RBP2: variants seen among roughly 807,000 people sequenced by gnomAD.
The protein encoded by RBP2 is retinol-binding protein 2.
A neutral mutation model predicts 17.0 loss-of-function variants in RBP2; 17 were observed. That is an observed-to-expected ratio of 1.00 (90% CI 0.68 to 1.50). The LOEUF is 1.50. Ranked by LOEUF, RBP2 falls within the 40% of genes most tolerant of loss-of-function variation. The probability of loss-of-function intolerance (pLI) is 0.00; values close to 1 mark genes in which losing one functional copy is unlikely to be tolerated. For missense variants in RBP2, 158 were observed against 168.2 expected (o/e 0.94, Z 0.33); for synonymous variants, 48 against 57.1 (o/e 0.84, Z 0.72).
chr3:139,458,210 AAAC>A (rs1047981282), intron 2 of RBP2, among the ~76,000 whole-genome samples: 1 of 152,068 alleles, frequency 6.6e-6, no homozygotes, highest in Admixed American at 6.6e-5. Flanking sequence ...TTTTAAAGGA[AAAC>A]AACAGCTCTT....
chr3:139,471,821 T>A (rs947764175), intron 1 of RBP2, among the ~76,000 whole-genome samples: 1 of 152,204 alleles, frequency 6.6e-6, no homozygotes, highest in African/African-American at 2.4e-5. Context: ...CCAGGGTCAT[T>A]GTAACAACCT....
chr3:139,468,670 A>T (rs1933444922), intron 1 of RBP2, among the ~76,000 whole-genome samples: 1 of 150,660 alleles, frequency 6.6e-6, no homozygotes, highest in South Asian at 2.1e-4. Flanking sequence ...ACACACACAC[A>T]CATGCACACA....
intron 2 of RBP2, among the ~76,000 whole-genome samples, chr3:139,459,550 G>T (rs969912336): frequency 6.6e-6 from 1 of 151,066 alleles, no homozygotes; most frequent in Non-Finnish European, 1.5e-5. Flanking sequence ...TTGAACCTGG[G>T]AGGTGGAGGT....
chr3:139,472,702 A>G (rs1486618173), intron 1 of RBP2, among the ~76,000 whole-genome samples: 1 of 152,240 alleles, frequency 6.6e-6, no homozygotes, highest in Non-Finnish European at 1.5e-5. Context: ...TTGAGCAGGA[A>G]CCATTGGGGT....
chr3:139,457,131 A>G (rs1250674863), intron 2 of RBP2, among the ~76,000 whole-genome samples: 1 of 152,256 alleles, frequency 6.6e-6, no homozygotes, highest in Non-Finnish European at 1.5e-5. Flanking sequence ...TCCATGAAAG[A>G]AGATGCTGTA....
At chr3:139,462,387 G>A (rs1933219529) in intron 1 of RBP2, 97 bp from the exon 2 acceptor site, 3 of 1,249,688 alleles carry the variant, frequency 2.4e-6, no homozygotes, top group Non-Finnish European at 3.5e-6. Flanking sequence ...GACACAGATT[G>A]TGTGTAGGCC....
chr3:139,470,789 G>A (rs1933538607), intron 1 of RBP2, among the ~76,000 whole-genome samples: 1 of 151,890 alleles, frequency 6.6e-6, no homozygotes, highest in African/African-American at 2.4e-5. Context: ...GCCTCACTAT[G>A]TTGCCTAGGC....
At chr3:139,455,977 A>G (rs1328449501) in intron 2 of RBP2, among the ~76,000 whole-genome samples, 2 of 152,012 alleles carry the variant, frequency 1.3e-5, no homozygotes, top group African/African-American at 4.8e-5. Flanking sequence ...TACCCCTCCT[A>G]ATACCTGCTA....
At chr3:139,459,636 G>A (rs1227028011) in intron 2 of RBP2, among the ~76,000 whole-genome samples, 1 of 150,038 alleles carries the variant, frequency 6.7e-6, no homozygotes, top group Non-Finnish European at 1.5e-5. Flanking sequence ...AAAAAAAAAA[G>A]AAAGAAATTA....
intron 1 of RBP2, among the ~76,000 whole-genome samples, chr3:139,465,542 C>T (rs1933328447): frequency 1.3e-5 from 2 of 152,168 alleles, no homozygotes; most frequent in African/African-American, 2.4e-5. Flanking sequence ...GATGATCTGT[C>T]TCAAGGGCCA....
In RBP2 at chr3:139,457,731, A is replaced by T. The variant is rs935343628; in HGVS notation, c.253-2901T>A. Among the ~76,000 whole-genome samples, 9 of 152,288 alleles carry T rather than the reference A, an allele frequency of 5.9e-5. No individual in the cohort carries two copies. The East Asian group carries it at 7.7e-4, about 13-fold the overall frequency. ...TAAAGGAGGCTCAATTGCTTAAAAG[A>T]TCCTCAGGTTGAGGAAATGGAAACA... On this transcript the variant is annotated intron_variant, in intron 2 of 3. Transcript: ENST00000232217.
chr3:139,469,732 TCTAC>T (rs1553722545), intron 1 of RBP2, among the ~76,000 whole-genome samples: 4 of 150,282 alleles, frequency 2.7e-5, no homozygotes, highest in African/African-American at 9.8e-5. Flanking sequence ...TATCTATCTA[TCTAC>T]CTACTCATTT....
chr3:139,474,124 A>G (rs1239513407), intron 1 of RBP2, among the ~76,000 whole-genome samples: 6 of 152,238 alleles, frequency 3.9e-5, no homozygotes. Context: ...AAGCTTTAAG[A>G]GACAATAAAT....
chr3:139,469,687 G>GTCTATCTATCTATCTATCTA (rs543597083), intron 1 of RBP2, among the ~76,000 whole-genome samples: 43 of 132,976 alleles, frequency 3.2e-4, no homozygotes, highest in South Asian at 7.5e-4. Flanking sequence ...CTGTCTGTCT[G>GTCTATCTATCTATCTATCTA]TCTATCTATC....
intron 2 of RBP2, among the ~76,000 whole-genome samples, chr3:139,460,993 A>G (rs960812372): frequency 1.3e-5 from 2 of 152,234 alleles, no homozygotes; most frequent in African/African-American, 2.4e-5. Flanking sequence ...CTTGGACTGC[A>G]TATCCCTGGG....
intron 1 of RBP2, among the ~76,000 whole-genome samples, chr3:139,467,825 A>C (rs543253663): frequency 1.4e-4 from 22 of 152,258 alleles, no homozygotes; most frequent in African/African-American, 4.6e-4. Flanking sequence ...CCACAGGAGA[A>C]GTGGGAATGG....
At chr3:139,459,067 A>T (rs1045998853) in intron 2 of RBP2, among the ~76,000 whole-genome samples, 1 of 152,052 alleles carries the variant, frequency 6.6e-6, no homozygotes, top group African/African-American at 2.4e-5. Flanking sequence ...AGGGCACAAC[A>T]TGCACCTCTC....
At chr3:139,464,899 G>A (rs1045481693) in intron 1 of RBP2, among the ~76,000 whole-genome samples, 4 of 152,118 alleles carry the variant, frequency 2.6e-5, no homozygotes, top group African/African-American at 9.7e-5. Context: ...ATCTCTGGGT[G>A]GTAGAGCTCA....
At chr3:139,468,811 G>A (rs1412002721) in intron 1 of RBP2, among the ~76,000 whole-genome samples, 7 of 152,124 alleles carry the variant, frequency 4.6e-5, no homozygotes, top group Admixed American at 2.6e-4. Context: ...GTATCTCTGA[G>A]TCTGATTTAT....
Sources: allele counts gnomAD v4.1 joint callset (sites outside exome capture counted in the v4.1 genomes callset), GRCh38; gene constraint gnomAD v4.1.1; transcripts MANE v1.5; gene names NCBI Gene and HGNC (gene_info 2026-07-23, HGNC 2026-07-21).